DPM1: variants seen among roughly 807,000 people sequenced by gnomAD.
The protein encoded by DPM1 is dolichyl-phosphate mannosyltransferase subunit 1, catalytic.
In DPM1, 27 loss-of-function variants were observed where a neutral mutation model predicts 39.0. The observed-to-expected ratio is 0.69, with a 90% CI of 0.51 to 0.95. The LOEUF (loss-of-function observed/expected upper bound fraction) is 0.95, where lower values mean the gene tolerates loss of function less well. Among genes scored for constraint, DPM1 ranks in the 40% least tolerant of loss-of-function variants. DPM1 has a pLI of 0.00. For synonymous variants in DPM1, 124 were observed against 109.0 expected (o/e 1.14, Z -0.86); for missense variants, 307 against 315.6 (o/e 0.97, Z 0.21).
At chr20:50,937,108 T>C (rs1420870375) in intron 7 of DPM1, among the ~76,000 whole-genome samples, 1 of 152,036 alleles carries the variant, frequency 6.6e-6, no homozygotes, top group Admixed American at 6.5e-5. Context: ...TTCTACCTTT[T>C]TTTGTGGGGA....
At chr20:50,954,120 G>GTAGA (rs1986714862) in intron 2 of DPM1, among the ~76,000 whole-genome samples, 1 of 151,864 alleles carries the variant, frequency 6.6e-6, no homozygotes, top group Non-Finnish European at 1.5e-5. Flanking sequence ...TCACCTCTAA[G>GTAGA]TAGAAAGTAT....
At chr20:50,943,089 C>T (rs1422056430) in intron 5 of DPM1, among the ~76,000 whole-genome samples, 13 of 151,920 alleles carry the variant, frequency 8.6e-5, no homozygotes, top group Admixed American at 8.5e-4. Context: ...GGCAGGAGAA[C>T]TGCTTGAACC....
At chr20:50,956,428 C>T (rs2123146831) in intron 1 of DPM1, among the ~76,000 whole-genome samples, 1 of 151,876 alleles carries the variant, frequency 6.6e-6, no homozygotes, top group Non-Finnish European at 1.5e-5. Context: ...ACAGTGAAAC[C>T]CCGTCTCTAC....
intron 7 of DPM1, 51 bp from the exon 8 acceptor site, chr20:50,936,313 A>G: frequency 8.3e-7 from 1 of 1,206,736 alleles, no homozygotes; most frequent in South Asian, 1.3e-5. Flanking sequence ...ACACATGCCT[A>G]TGTATCCTGA....
At position 50,934,936 on chromosome 20, in the gene DPM1, G is replaced by A; in HGVS notation, c.*196C>T. The A allele has an allele frequency of 2.0e-6, 1 of 494,120 alleles. No individual in the cohort carries two copies. The highest frequency in any genetic ancestry group is 3.6e-6 in the Non-Finnish European group (1 of 275,532). 30.6% of individuals were successfully genotyped at this position (494,120 alleles called of 1,614,324 possible). ...ACAGCAAAATGAAAACGAAAATTGA[G>A]AACATTGCTCATTAGGCCAGCAACT... On this transcript the variant is annotated 3_prime_UTR_variant, in exon 9 of 9. Coordinates refer to ENST00000371588, the MANE Select transcript of DPM1 (RefSeq NM_003859.3).
At chr20:50,957,265 T>C (rs1986875803) in intron 1 of DPM1, among the ~76,000 whole-genome samples, 1 of 152,212 alleles carries the variant, frequency 6.6e-6, no homozygotes. Context: ...GGCGGGCTGG[T>C]TGATAGGGAA....
chr20:50,952,147 C>G (rs1986615225), intron 2 of DPM1, among the ~76,000 whole-genome samples: 1 of 152,188 alleles, frequency 6.6e-6, no homozygotes, highest in South Asian at 2.1e-4. Flanking sequence ...TCTCACTTGG[C>G]TTTCATGAGG....
At position 50,945,916 on chromosome 20, in the gene DPM1, T is replaced by G. The variant is rs139211110; in HGVS notation, c.303A>C (p.Ala101=). ...TGGCATGTTTCATTCCATGAATATA[T>G]GCAGTTCCTAAAAATGAAAGTAGAT... ...PREKKLGLGT[A]YIHGMKHATG... The change falls in exon 4 of 9, where the codon GCA becomes GCC. Residue 101 remains alanine (A), a synonymous_variant. Transcript: ENST00000371588. The G allele has an allele frequency of 1.2e-6, 2 of 1,612,878 alleles. No individual in the cohort carries two copies. The highest frequency in any genetic ancestry group is 2.7e-5 in the African/African-American group (2 of 74,900).
At chr20:50,954,971 G>A (rs1273901474) in intron 2 of DPM1, among the ~76,000 whole-genome samples, 2 of 152,104 alleles carry the variant, frequency 1.3e-5, no homozygotes, top group Non-Finnish European at 2.9e-5. Context: ...TCATCCAAAA[G>A]CTCACTCTTT....
At chr20:50,946,007 C>T in intron 3 of DPM1, 84 bp from the exon 4 acceptor site, 1 of 1,145,120 alleles carries the variant, frequency 8.7e-7, no homozygotes, top group Non-Finnish European at 1.3e-6. Flanking sequence ...TGTTTAGCAC[C>T]TGAAGAGCAC....
chr20:50,935,559 C>T (rs1236384914), intron 8 of DPM1, among the ~76,000 whole-genome samples: 1 of 152,166 alleles, frequency 6.6e-6, no homozygotes, highest in African/African-American at 2.4e-5. Flanking sequence ...TGGCCTTGTG[C>T]GTAGATTTTT....
chr20:50,942,190 G>A (rs1985898578), intron 5 of DPM1, 64 bp from the exon 6 acceptor site: 3 of 1,416,994 alleles, frequency 2.1e-6, no homozygotes, highest in Middle Eastern at 1.7e-4. Flanking sequence ...ATTTTCATGA[G>A]CTACACAAAC....
intron 6 of DPM1, among the ~76,000 whole-genome samples, chr20:50,941,639 C>G (rs1258401728): frequency 6.6e-6 from 1 of 151,806 alleles, no homozygotes; most frequent in Non-Finnish European, 1.5e-5. Flanking sequence ...GCCCGGGAGG[C>G]AGAGGTTGCA....
chr20:50,942,159 G>A, intron 5 of DPM1, 33 bp from the exon 6 acceptor site: 3 of 1,571,142 alleles, frequency 1.9e-6, no homozygotes, highest in Non-Finnish European at 2.6e-6. Context: ...ATTAGAAAAA[G>A]CCACTGAGCT....
chr20:50,941,404 T>C (rs1019520566), intron 6 of DPM1, among the ~76,000 whole-genome samples: 2 of 133,558 alleles, frequency 1.5e-5, no homozygotes, highest in African/African-American at 6.6e-5. Flanking sequence ...ATTCATATTA[T>C]ATATATATAT....
chr20:50,951,931 T>C (rs562499833), intron 2 of DPM1, among the ~76,000 whole-genome samples: 25 of 152,366 alleles, frequency 1.6e-4, no homozygotes, highest in African/African-American at 6.0e-4. Context: ...TATGCTTTAC[T>C]TTCAGACTCT....
chr20:50,955,032 G>A (rs1032511732), intron 2 of DPM1, among the ~76,000 whole-genome samples, 154 bp downstream of exon 2: 5 of 152,048 alleles, frequency 3.3e-5, no homozygotes, highest in Admixed American at 6.6e-5. Flanking sequence ...AAAATTTTAC[G>A]GACAACAAAA....
intron 7 of DPM1, among the ~76,000 whole-genome samples, chr20:50,937,065 G>C (rs1224948653): frequency 2.8e-5 from 4 of 143,966 alleles, no homozygotes; most frequent in Admixed American, 1.4e-4. Flanking sequence ...TTTTTTTAAA[G>C]ATCAGTGTCT....
At chr20:50,942,273 C>G (rs188995788) in intron 5 of DPM1, 147 bp from the exon 6 acceptor site, 3 of 733,942 alleles carry the variant, frequency 4.1e-6, no homozygotes. Context: ...TTTGGGAGGC[C>G]GAGGCGGGTG....
Sources: gnomAD v4.1 joint callset for allele counts (sites outside exome capture counted in the v4.1 genomes callset) on GRCh38, gnomAD v4.1.1 for gene constraint, MANE v1.5 for transcripts, NCBI Gene and HGNC (gene_info 2026-07-23, HGNC 2026-07-21) for gene names.